Variants in MATN2 observed in about 807,000 individuals in gnomAD.
The protein encoded by MATN2 is matrilin-2.
Under a neutral mutation model 103.2 loss-of-function variants are expected in MATN2, and 69 were observed. The observed-to-expected ratio is 0.67, with a 90% CI of 0.55 to 0.82. The LOEUF (loss-of-function observed/expected upper bound fraction) is 0.82. Among genes scored for constraint, MATN2 ranks in the 40% least tolerant of loss-of-function variants. MATN2 has a pLI of 0.00. For missense variants in MATN2, 1,023 were observed against 1,211.5 expected, an observed-to-expected ratio of 0.84 and a Z score of 2.31; for synonymous variants, 429 against 450.2, an observed-to-expected ratio of 0.95 and a Z score of 0.60.
At chr8:97,964,688 G>A (rs190472527) in intron 5 of MATN2, among the ~76,000 whole-genome samples, 3 of 152,150 alleles carry the variant, frequency 2.0e-5, no homozygotes, top group African/African-American at 7.2e-5. Context: ...TCCTGCCTTG[G>A]CCTCCCAAAG....
chr8:98,012,566 C>A (rs1263502599), intron 10 of MATN2, among the ~76,000 whole-genome samples: 1 of 152,108 alleles, frequency 6.6e-6, no homozygotes, highest in African/African-American at 2.4e-5. Flanking sequence ...GTACTGAATG[C>A]GAGAGGGAGG....
At chr8:98,034,454 AG>A (rs34927355) in intron 18 of MATN2, 1 of 270,622 alleles carries the variant, frequency 3.7e-6, no homozygotes, top group Non-Finnish European at 7.7e-6. Context: ...TTATGTAATA[AG>A]GAACAACAGC....
intron 2 of MATN2, among the ~76,000 whole-genome samples, chr8:97,910,890 T>C (rs775041805): frequency 2.0e-5 from 3 of 152,238 alleles, no homozygotes; most frequent in Admixed American, 1.3e-4. Flanking sequence ...ATTATACTGA[T>C]ATATAACCAT....
intron 5 of MATN2, among the ~76,000 whole-genome samples, chr8:97,975,994 A>G (rs1563702136): frequency 6.6e-6 from 1 of 152,244 alleles, no homozygotes; most frequent in African/African-American, 2.4e-5. Flanking sequence ...CTGATATCCA[A>G]TGACGTTGAG....
chr8:97,978,840 T>C, intron 5 of MATN2, 46 bp from the exon 6 acceptor site: 2 of 1,606,972 alleles, frequency 1.2e-6, no homozygotes, highest in Non-Finnish European at 1.7e-6. Flanking sequence ...CATTCCCTTT[T>C]CCTCTGTTTG....
chr8:97,948,655 A>G (rs1043012394), intron 4 of MATN2, among the ~76,000 whole-genome samples: 4 of 152,242 alleles, frequency 2.6e-5, no homozygotes, highest in Non-Finnish European at 5.9e-5. Context: ...CAAAAAAGCA[A>G]GCAAACAAAC....
At position 98,035,748 on chromosome 8, in the gene MATN2, T is replaced by C. The variant is rs749771321; in HGVS notation, c.*36T>C. 3.4e-6 allele frequency: 5 copies of C among 1,454,690 alleles called. No individual in the cohort carries two copies. The Admixed American group carries it at 5.4e-5, about 16-fold the overall frequency. 90.1% of individuals were successfully genotyped at this position (1,454,690 alleles called of 1,614,324 possible). A position where few individuals can be genotyped will look rare whatever the true frequency, so the allele number is the denominator to read the frequency against. On this transcript the variant is annotated 3_prime_UTR_variant, in exon 19 of 19. Transcript: ENST00000254898. ...TCGCGACACATTTGTAGTCATTGTA[T>C]CACGGATTACAATGAACGCAGTGCA...
chr8:97,871,492 A>G (rs893887759), intron 1 of MATN2, among the ~76,000 whole-genome samples: 2 of 152,320 alleles, frequency 1.3e-5, no homozygotes, highest in Middle Eastern at 3.4e-3. Context: ...CCTGGCACTC[A>G]CTGCCCTCTG....
rs564912688 is a variant in MATN2, at chr8:97,963,655, C to G, written c.958+2125C>G. On this transcript the variant is annotated intron_variant, in intron 5 of 18. Transcript: ENST00000254898. ...TGGGCGTTTCTCTGCGGCTGCTTGA[C>G]TGCATATAAGAATGTCTGCATTTTC... 2.6e-5 allele frequency among the ~76,000 whole-genome samples: 4 copies of G among 152,220 alleles called. No homozygotes were observed. In the South Asian group the frequency reaches 8.3e-4, roughly 32 times the overall value.
chr8:97,998,486 C>A (rs538079348), intron 7 of MATN2, among the ~76,000 whole-genome samples: 8 of 139,622 alleles, frequency 5.7e-5, no homozygotes, highest in Non-Finnish European at 1.2e-4. Context: ...CGTGCCACTG[C>A]ACTCCAGCCT....
Position 97,931,045 on chromosome 8 carries a change from T to C in MATN2, c.235T>C (p.Phe79Leu). 6.2e-7 allele frequency: 1 copy of C among 1,613,952 alleles called. No homozygotes were observed. Among genetic ancestry groups the C allele is most frequent in the Non-Finnish European group, 8.5e-7 (1 of 1,179,870 alleles). The change falls in exon 3 of 19, where the codon TTC (phenylalanine) becomes CTC (leucine). Residue 79 changes from phenylalanine to leucine, a missense_variant. Coordinates refer to ENST00000254898, the MANE Select transcript of MATN2 (RefSeq NM_002380.5). This position sits in a 1 kb window ranked among gnomAD's most constrained non-coding sequence, Gnocchi z 4.1. ...NTHDYAKVKE[F>L]IVDILQFLDI... ...CCATGACTATGCAAAGGTCAAGGAGTTCATCGTGGACATCTTGCAATTCTT... is the reference window on the plus strand; with the variant it reads ...CCATGACTATGCAAAGGTCAAGGAGCTCATCGTGGACATCTTGCAATTCTT...
Position 98,022,288 on chromosome 8 carries a change from GTCTC to G in MATN2, c.1942+965_1942+968del, listed in dbSNP as rs976444868. On this transcript the variant is annotated intron_variant, in intron 13 of 18. Transcript: ENST00000254898. Reference sequence around the variant, plus strand: ...ATTTTGTAAAACACTCTAACATACAGTCTCTCTTTCTCTATATATGTGTGTGTGT... The same window carrying G: ...ATTTTGTAAAACACTCTAACATACAGTCTTTCTCTATATATGTGTGTGTGT... Among the ~76,000 whole-genome samples the G allele has an allele frequency of 3.9e-4, 59 of 152,078 alleles. No homozygotes were observed. In the Middle Eastern group the frequency reaches 0.01, roughly 26 times the overall value.
At chr8:98,029,926 G>T (rs1172753796) in intron 14 of MATN2, among the ~76,000 whole-genome samples, 19 of 152,108 alleles carry the variant, frequency 1.2e-4, no homozygotes, top group Admixed American at 1.2e-3. Flanking sequence ...TGACTTTAGG[G>T]GTTTCCAATG....
At chr8:97,900,180 A>G (rs1818934077) in intron 2 of MATN2, among the ~76,000 whole-genome samples, 1 of 152,168 alleles carries the variant, frequency 6.6e-6, no homozygotes, top group Admixed American at 6.5e-5. Context: ...AAGGAGGACA[A>G]TGTGTATATT....
At chr8:97,875,623 G>T (rs1378170388) in intron 1 of MATN2, among the ~76,000 whole-genome samples, 1 of 147,392 alleles carries the variant, frequency 6.8e-6, no homozygotes, top group African/African-American at 2.5e-5. Context: ...GGTTAATTTT[G>T]TCTGCTTTAT....
chr8:97,990,179 CAAAAAAAAAAA>C (rs34924183), intron 6 of MATN2, among the ~76,000 whole-genome samples: 27 of 45,808 alleles, frequency 5.9e-4, no homozygotes, highest in Middle Eastern at 0.015. Flanking sequence ...AAGACTCTGT[CAAAAAAAAAAA>C]AAAAAAAAAA....
chr8:97,973,414 T>C (rs1416934270), intron 5 of MATN2, among the ~76,000 whole-genome samples: 5 of 152,300 alleles, frequency 3.3e-5, no homozygotes, highest in East Asian at 1.9e-4. Context: ...GAAAACATCA[T>C]TCAGAGAGGG....
intron 2 of MATN2, among the ~76,000 whole-genome samples, chr8:97,929,025 G>C (rs1282111623): frequency 6.6e-6 from 1 of 152,118 alleles, no homozygotes; most frequent in Non-Finnish European, 1.5e-5. Flanking sequence ...ACCCTCAAAG[G>C]CTCACTTTCT....
intron 2 of MATN2, among the ~76,000 whole-genome samples, chr8:97,894,318 T>A (rs1586385840): frequency 7.5e-6 from 1 of 133,172 alleles, no homozygotes; most frequent in East Asian, 2.3e-4. Context: ...AATCTAAGAA[T>A]TCACCTTTTT....
Sources: allele counts gnomAD v4.1 joint callset (sites outside exome capture counted in the v4.1 genomes callset), GRCh38; gene constraint gnomAD v4.1.1; non-coding constraint Gnocchi (gnomAD v3.1); transcripts MANE v1.5; gene names NCBI Gene and HGNC (gene_info 2026-07-23, HGNC 2026-07-21).